Variants in CPHXL2 observed in about 807,000 individuals in gnomAD.
CPHXL2 encodes cytoplasmic polyadenylated homeobox like 2.
At chr16:75,676,138 C>G in the CPHXL2 span, among the ~76,000 whole-genome samples, 1 of 152,056 alleles carries the variant, frequency 6.6e-6, no homozygotes, top group Non-Finnish European at 1.5e-5. Flanking sequence ...GTGACCTTCT[C>G]GCTCCATCCA....
At chr16:75,671,433 T>C in the CPHXL2 span, among the ~76,000 whole-genome samples, 1 of 152,206 alleles carries the variant, frequency 6.6e-6, no homozygotes, top group Non-Finnish European at 1.5e-5. Flanking sequence ...CTACTGTTTT[T>C]AGTTCCTTTC....
chr16:75,670,908 G>A, the CPHXL2 span, among the ~76,000 whole-genome samples: 3 of 152,138 alleles, frequency 2.0e-5, no homozygotes, highest in East Asian at 1.9e-4. Flanking sequence ...CCGCAGCTAT[G>A]TCAGTCTCTT....
chr16:75,674,962 G>A, the CPHXL2 span, among the ~76,000 whole-genome samples: 18 of 151,914 alleles, frequency 1.2e-4, no homozygotes, highest in African/African-American at 4.1e-4. Flanking sequence ...AGGCTGAGGC[G>A]GGCAGATCAC....
the CPHXL2 span, among the ~76,000 whole-genome samples, chr16:75,666,413 A>G: frequency 6.6e-6 from 1 of 152,088 alleles, no homozygotes; most frequent in African/African-American, 2.4e-5. Context: ...TGAGGTCAGG[A>G]GTTCAGGACC....
chr16:75,669,280 C>T, the CPHXL2 span: 2 of 396,242 alleles, frequency 5.0e-6, no homozygotes, highest in Non-Finnish European at 8.9e-6. Flanking sequence ...CGCTCCATTG[C>T]ACTCCAGACT....
the CPHXL2 span, among the ~76,000 whole-genome samples, chr16:75,662,732 A>G: frequency 1.3e-5 from 2 of 151,596 alleles, no homozygotes; most frequent in Non-Finnish European, 2.9e-5. Flanking sequence ...GCTTTGAGGG[A>G]GGCAGAGATG....
chr16:75,663,328 C>A, the CPHXL2 span, among the ~76,000 whole-genome samples: 1 of 152,188 alleles, frequency 6.6e-6, no homozygotes, highest in Non-Finnish European at 1.5e-5. Flanking sequence ...GAGAAAATTA[C>A]ACATATTTTA....
the CPHXL2 span, among the ~76,000 whole-genome samples, chr16:75,669,927 A>G: frequency 6.6e-6 from 1 of 152,132 alleles, no homozygotes; most frequent in Non-Finnish European, 1.5e-5. Context: ...TTGAGAATTT[A>G]TCTTTTATTT....
chr16:75,662,625 T>C, the CPHXL2 span, among the ~76,000 whole-genome samples: 2 of 152,094 alleles, frequency 1.3e-5, no homozygotes, highest in Non-Finnish European at 2.9e-5. Flanking sequence ...CAAATATATA[T>C]ATTTAGAATA....
chr16:75,668,693 C>T, the CPHXL2 span, among the ~76,000 whole-genome samples: 7 of 151,938 alleles, frequency 4.6e-5, no homozygotes, highest in South Asian at 1.4e-3. Flanking sequence ...CTTACAAGAC[C>T]TAATACCTAA....
the CPHXL2 span, among the ~76,000 whole-genome samples, chr16:75,673,271 C>T: frequency 5.9e-5 from 9 of 151,520 alleles, no homozygotes; most frequent in South Asian, 2.1e-4. Flanking sequence ...CTCTTCTCTA[C>T]GAAAAATATA....
chr16:75,664,627 A>AAG, the CPHXL2 span, among the ~76,000 whole-genome samples: 1 of 139,018 alleles, frequency 7.2e-6, no homozygotes, highest in African/African-American at 2.9e-5. Flanking sequence ...CTCCATCTCA[A>AAG]AAAAAAAAAA....
the CPHXL2 span, chr16:75,676,878 CAA>C: frequency 2.5e-6 from 1 of 398,244 alleles, no homozygotes; most frequent in Non-Finnish European, 4.4e-6. Context: ...TGACTGCCCA[CAA>C]TCTTCACTAT....
the CPHXL2 span, among the ~76,000 whole-genome samples, chr16:75,663,586 TAAG>T: frequency 4.6e-5 from 7 of 152,132 alleles, no homozygotes; most frequent in African/African-American, 1.7e-4. Flanking sequence ...TCAAGTATGA[TAAG>T]AAACATAGAA....
the CPHXL2 span, among the ~76,000 whole-genome samples, chr16:75,675,714 T>C: frequency 2.0e-5 from 3 of 152,168 alleles, no homozygotes; most frequent in African/African-American, 7.2e-5. Context: ...GGTTGGGCCA[T>C]TGTTACTCTG....
the CPHXL2 span, chr16:75,661,252 A>C: frequency 2.5e-6 from 1 of 400,778 alleles, no homozygotes; most frequent in East Asian, 3.6e-5. Flanking sequence ...AACCAGTTCT[A>C]AAGGGAAAAG....
the CPHXL2 span, among the ~76,000 whole-genome samples, chr16:75,669,746 T>C: frequency 4.6e-5 from 7 of 152,320 alleles, no homozygotes; most frequent in African/African-American, 1.7e-4. Context: ...ATGGGCCAGA[T>C]CCAGCCAGTT....
the CPHXL2 span, chr16:75,660,345 T>G: frequency 2.5e-6 from 1 of 398,510 alleles, no homozygotes; most frequent in Non-Finnish European, 4.4e-6. Flanking sequence ...GAGTCCTGAG[T>G]TGCTTGAAGC....
At chr16:75,667,047 C>T in the CPHXL2 span, among the ~76,000 whole-genome samples, 1 of 152,024 alleles carries the variant, frequency 6.6e-6, no homozygotes, top group East Asian at 1.9e-4. Context: ...TGTGGTGGCT[C>T]ACACCTGTAA....
Sources: gnomAD v4.1 joint callset for allele counts (sites outside exome capture counted in the v4.1 genomes callset) on GRCh38, gnomAD v4.1.1 for gene constraint, MANE v1.5 for transcripts, NCBI Gene and HGNC (gene_info 2026-07-23, HGNC 2026-07-21) for gene names.